DCDC1: variants seen among roughly 807,000 people sequenced by gnomAD.
DCDC1 encodes the protein doublecortin domain-containing protein 1.
In DCDC1, 200 loss-of-function variants were observed where a neutral mutation model predicts 178.3. That is an observed-to-expected ratio of 1.12 (90% CI 1.00 to 1.26). The LOEUF is 1.26. Ranked by LOEUF, DCDC1 falls within the 50% of genes most tolerant of loss-of-function variation. The pLI is 0.00. For missense variants in DCDC1, 1,983 were observed against 1,749.2 expected, an observed-to-expected ratio of 1.13 and a Z score of -2.38; for synonymous variants, 690 against 604.8, an observed-to-expected ratio of 1.14 and a Z score of -2.07.
intron 9 of DCDC1, among the ~76,000 whole-genome samples, chr11:31,152,531 C>G (rs886082494): frequency 2.0e-5 from 3 of 152,166 alleles, no homozygotes; most frequent in Admixed American, 6.5e-5. Context: ...AAATTCTCTT[C>G]CACTATTTCT....
chr11:31,328,584 G>A (rs1429653166), intron 2 of DCDC1, among the ~76,000 whole-genome samples: 6 of 152,046 alleles, frequency 3.9e-5, no homozygotes, highest in Non-Finnish European at 8.8e-5. Flanking sequence ...GGATCACAAG[G>A]TCAGGAGATA....
At chr11:31,337,022 C>T (rs954193040) in intron 1 of DCDC1, among the ~76,000 whole-genome samples, 2 of 152,170 alleles carry the variant, frequency 1.3e-5, no homozygotes, top group African/African-American at 4.8e-5. Flanking sequence ...TACCTCCAGA[C>T]TTTTACATGA....
chr11:30,891,476 G>T (rs1025202104), intron 36 of DCDC1, among the ~76,000 whole-genome samples: 1 of 152,010 alleles, frequency 6.6e-6, no homozygotes, highest in Non-Finnish European at 1.5e-5. Flanking sequence ...CATTGTCTCA[G>T]CTCTACCCTT....
Position 30,925,339 on chromosome 11 carries a change from A to C in DCDC1, c.2967T>G (p.Phe989Leu). The C allele has an allele frequency of 1.2e-6, 2 of 1,613,838 alleles. No individual in the cohort carries two copies. The highest frequency in any genetic ancestry group is 1.7e-6 in the Non-Finnish European group (2 of 1,179,802). The change falls in exon 23 of 39, where the codon TTT becomes TTG. Residue 989 changes from phenylalanine to leucine, a missense_variant. Transcript: ENST00000684477. ...RLYNEKGKEI[F>L]ALKDLQRDEL... ...CATCTCTTTGCAGGTCTTTTAAGGC[A>C]AATATTTCCTTCCCCTTTTCATTGT...
chr11:30,868,305 T>C (rs1315698603), intron 38 of DCDC1, among the ~76,000 whole-genome samples: 1 of 142,048 alleles, frequency 7.0e-6, no homozygotes, highest in Non-Finnish European at 1.5e-5. Context: ...GGCTGGAGTG[T>C]AGTGGTGTGA....
At chr11:31,174,606 C>A (rs1472139139) in intron 9 of DCDC1, among the ~76,000 whole-genome samples, 1 of 152,166 alleles carries the variant, frequency 6.6e-6, no homozygotes, top group African/African-American at 2.4e-5. Flanking sequence ...GGGTGCCAGG[C>A]CCATGGACTG....
chr11:31,329,431 A>G (rs1199797800), intron 2 of DCDC1, among the ~76,000 whole-genome samples: 1 of 152,072 alleles, frequency 6.6e-6, no homozygotes, highest in East Asian at 1.9e-4. Flanking sequence ...TCCAGGGTAC[A>G]TACATGTGCA....
At chr11:30,888,801 A>G (rs1412129651) in intron 36 of DCDC1, among the ~76,000 whole-genome samples, 1 of 152,248 alleles carries the variant, frequency 6.6e-6, no homozygotes, top group African/African-American at 2.4e-5. Context: ...TTACTCAAGT[A>G]TTCTCTTTAA....
intron 20 of DCDC1, among the ~76,000 whole-genome samples, chr11:31,058,041 G>C (rs910108775): frequency 6.6e-6 from 1 of 152,010 alleles, no homozygotes; most frequent in African/African-American, 2.4e-5. Context: ...CAGTGCCTAG[G>C]ATACCATAAA....
At chr11:30,907,362 C>G (rs2134151997) in intron 29 of DCDC1, among the ~76,000 whole-genome samples, 1 of 152,218 alleles carries the variant, frequency 6.6e-6, no homozygotes, top group Non-Finnish European at 1.5e-5. Context: ...AAAACCATCC[C>G]ACTCTTATTT....
intron 19 of DCDC1, 37 bp downstream of exon 19, chr11:31,064,982 A>G: frequency 1.4e-6 from 1 of 703,116 alleles, no homozygotes; most frequent in Non-Finnish European, 2.5e-6. Flanking sequence ...TATTTTAGAG[A>G]GCTATTTCTG....
intron 2 of DCDC1, among the ~76,000 whole-genome samples, chr11:31,329,256 G>A (rs1460007632): frequency 1.3e-5 from 2 of 152,066 alleles, no homozygotes; most frequent in African/African-American, 4.8e-5. Context: ...GATGGAGAGA[G>A]ACAGAAAGTG....
At chr11:30,871,498 C>A (rs1347194338) in intron 38 of DCDC1, among the ~76,000 whole-genome samples, 1 of 152,158 alleles carries the variant, frequency 6.6e-6, no homozygotes, top group African/African-American at 2.4e-5. Flanking sequence ...TAACTTAATA[C>A]ACAATGTCTA....
chr11:31,250,651 T>C lies in DCDC1; in HGVS notation c.1055-9035A>G, dbSNP rs1056017796. 2.6e-5 allele frequency among the ~76,000 whole-genome samples: 4 copies of C among 151,696 alleles called. No individual in the cohort carries two copies. In the South Asian group the frequency reaches 6.2e-4, roughly 24 times the overall value. The stretch of plus-strand genomic sequence containing the variant: ...AGGAGCAGTGCTAGATGTACAAGGA[T>C]AGTACTAGGCATTTTTAGAGCACCC... On this transcript the variant is annotated intron_variant, in intron 8 of 38. Coordinates refer to ENST00000684477, the MANE Select transcript of DCDC1 (RefSeq NM_001387274.1).
At chr11:31,016,290 A>T (rs896931025) in intron 20 of DCDC1, among the ~76,000 whole-genome samples, 1 of 152,236 alleles carries the variant, frequency 6.6e-6, no homozygotes, top group East Asian at 1.9e-4. Flanking sequence ...CATGAGTAAG[A>T]AAAAGTGTCA....
intron 36 of DCDC1, among the ~76,000 whole-genome samples, chr11:30,888,122 G>GAAAGAA (rs1565030103): frequency 7.4e-6 from 1 of 135,652 alleles, no homozygotes; most frequent in African/African-American, 2.8e-5. Context: ...AAGAAAGAAA[G>GAAAGAA]AAAGAAAGAA....
chr11:30,978,658 TACA>T (rs1471281986), intron 20 of DCDC1, among the ~76,000 whole-genome samples: 1 of 152,128 alleles, frequency 6.6e-6, no homozygotes, highest in African/African-American at 2.4e-5. Context: ...TTTTGAAATA[TACA>T]ACACCTTTTT....
intron 16 of DCDC1, among the ~76,000 whole-genome samples, chr11:31,093,339 T>C (rs187489033): frequency 1.6e-4 from 25 of 152,298 alleles, no homozygotes; most frequent in Admixed American, 4.6e-4. Flanking sequence ...GCAAACTTCA[T>C]TGGGTGACTT....
chr11:31,017,792 T>C (rs1003536560), intron 20 of DCDC1, among the ~76,000 whole-genome samples: 9 of 152,254 alleles, frequency 5.9e-5, no homozygotes, highest in African/African-American at 1.9e-4. Flanking sequence ...TCTTACTTAC[T>C]ATGTTGCCCA....
Sources: gnomAD v4.1 joint callset for allele counts (sites outside exome capture counted in the v4.1 genomes callset) on GRCh38, gnomAD v4.1.1 for gene constraint, MANE v1.5 for transcripts, NCBI Gene and HGNC (gene_info 2026-07-23, HGNC 2026-07-21) for gene names.